MTPN: variants seen among roughly 807,000 people sequenced by gnomAD.
The protein encoded by MTPN is granule cell differentiation protein.
In MTPN, 2 loss-of-function variants were observed where a neutral mutation model predicts 13.5. The ratio of observed to expected loss-of-function variants is 0.15; its 90% CI spans 0.06 to 0.47. The LOEUF is 0.47. MTPN is among the 20% of genes least tolerant of loss of function. The probability of loss-of-function intolerance (pLI) is 0.97; values close to 1 mark genes in which losing one functional copy is unlikely to be tolerated. For synonymous variants in MTPN, 46 were observed against 51.7 expected (o/e 0.89, Z 0.48); for missense variants, 79 against 137.9 (o/e 0.57, Z 2.14).
chr7:135,976,955 G>T, intron 1 of MTPN, 74 bp downstream of exon 1: 2 of 525,464 alleles, frequency 3.8e-6, no homozygotes, highest in Non-Finnish European at 7.4e-6. Flanking sequence ...CCGCAGTCCA[G>T]CTCCCATCAG....
intron 3 of MTPN, among the ~76,000 whole-genome samples, chr7:135,931,063 A>G (rs1282186168): frequency 6.6e-6 from 1 of 152,034 alleles, no homozygotes; most frequent in African/African-American, 2.4e-5. Flanking sequence ...AGAATTTCTC[A>G]CCAGTTCCTG....
In MTPN at chr7:135,927,075, TC is replaced by T. The variant is rs1798931106; in HGVS notation, c.*2850del. ...TAGGAGGGCACTCTCACCAGCTTCT[TC>T]TATACACAATTGAGTATACAATATT... On this transcript the variant is annotated 3_prime_UTR_variant, in exon 4 of 4. Coordinates refer to ENST00000393085, the MANE Select transcript of MTPN (RefSeq NM_145808.4). The T allele has an allele frequency of 5.4e-6, 2 of 373,748 alleles. No homozygotes were observed. Among genetic ancestry groups the T allele is most frequent in the East Asian group, 7.9e-5 (2 of 25,284 alleles). 23.2% of individuals were successfully genotyped at this position (373,748 alleles called of 1,614,324 possible).
chr7:135,977,345 G>C lies in MTPN; in HGVS notation c.-245C>G. On this transcript the variant is annotated 5_prime_UTR_variant, in exon 1 of 4. Coordinates refer to ENST00000393085, the MANE Select transcript of MTPN (RefSeq NM_145808.4). ...GGTTCCGCCTGGCCGAGGAGAGGCA[G>C]GAACCTTTACACTTCCGGTTCACTC... The C allele has an allele frequency of 3.6e-6, 2 of 557,596 alleles. No homozygotes were observed. Among genetic ancestry groups the C allele is most frequent in the East Asian group, 3.1e-5 (1 of 32,226 alleles). 34.5% of individuals were successfully genotyped at this position (557,596 alleles called of 1,614,324 possible).
At chr7:135,964,446 A>G (rs1165042216) in intron 1 of MTPN, among the ~76,000 whole-genome samples, 1 of 152,108 alleles carries the variant, frequency 6.6e-6, no homozygotes, top group African/African-American at 2.4e-5. Context: ...GGAGTTGGAA[A>G]TCAAGCCAGG....
At chr7:135,948,682 G>C (rs562691775) in intron 3 of MTPN, among the ~76,000 whole-genome samples, 4 of 152,276 alleles carry the variant, frequency 2.6e-5, no homozygotes, top group Admixed American at 1.3e-4. Flanking sequence ...GGAATAAGGA[G>C]TACAGAACAA....
At chr7:135,957,206 T>C (rs1325898956) in intron 1 of MTPN, among the ~76,000 whole-genome samples, 2 of 152,182 alleles carry the variant, frequency 1.3e-5, no homozygotes, top group Non-Finnish European at 2.9e-5. Context: ...ATACATAACA[T>C]ACATATGAAA....
intron 3 of MTPN, among the ~76,000 whole-genome samples, chr7:135,941,768 T>C (rs1397773903): frequency 1.3e-5 from 2 of 152,188 alleles, no homozygotes; most frequent in South Asian, 2.1e-4. Flanking sequence ...AATAGAAAGA[T>C]CATTTCAAGG....
chr7:135,950,497 T>G (rs1799350120), intron 3 of MTPN, 102 bp downstream of exon 3: 2 of 957,388 alleles, frequency 2.1e-6, no homozygotes, highest in Non-Finnish European at 3.3e-6. Flanking sequence ...TGCTTCCAGT[T>G]TTCTGTCCCT....
chr7:135,969,283 GA>G (rs1362909866), intron 1 of MTPN, among the ~76,000 whole-genome samples: 1 of 138,652 alleles, frequency 7.2e-6, no homozygotes, highest in African/African-American at 2.6e-5. Context: ...GAAATTACTA[GA>G]AAAAATATTA....
At position 135,977,248 on chromosome 7, in the gene MTPN, A is replaced by G. The variant is rs1279141836; in HGVS notation, c.-148T>C. ...GGAGGGTTAGGCTGCCAGGCGGGCGAGGCAGTTGGCCGCGGCGACCGTTCG... is the reference window on the plus strand; with the variant it reads ...GGAGGGTTAGGCTGCCAGGCGGGCGGGGCAGTTGGCCGCGGCGACCGTTCG... On this transcript the variant is annotated 5_prime_UTR_variant, in exon 1 of 4. Coordinates refer to ENST00000393085, the MANE Select transcript of MTPN (RefSeq NM_145808.4). 1.3e-6 allele frequency: 1 copy of G among 779,586 alleles called. No homozygotes were observed. The highest frequency in any genetic ancestry group is 2.1e-6 in the Non-Finnish European group (1 of 469,492). The allele number at this position is 779,586 out of a possible 1,614,324, so 48.3% of individuals were successfully genotyped here.
In MTPN at chr7:135,977,279, GAGAA is replaced by G. The variant is rs1457318020; in HGVS notation, c.-183_-180del. On this transcript the variant is annotated 5_prime_UTR_variant, in exon 1 of 4. Coordinates refer to ENST00000393085, the MANE Select transcript of MTPN (RefSeq NM_145808.4). ...TTGGCCGCGGCGACCGTTCGGGCGG[GAGAA>G]AGAAAGTTCTTTTGCGGCCACCGGG... The G allele has an allele frequency of 3.6e-5, 23 of 638,992 alleles. No homozygotes were observed. The highest frequency in any genetic ancestry group is 6.4e-5 in the Non-Finnish European group (23 of 362,204). 39.6% of individuals were successfully genotyped at this position (638,992 alleles called of 1,614,324 possible). A position where few individuals can be genotyped will look rare whatever the true frequency, so the allele number is the denominator to read the frequency against.
At position 135,927,514 on chromosome 7, in the gene MTPN, AACTT is replaced by A. The variant is rs1231923532; in HGVS notation, c.*2408_*2411del. 7 of 1,108,174 alleles carry A rather than the reference AACTT, an allele frequency of 6.3e-6. No homozygotes were observed. The Admixed American group carries it at 1.4e-4, about 23-fold the overall frequency. The allele number at this position is 1,108,174 out of a possible 1,614,324, so 68.6% of individuals were successfully genotyped here. On this transcript the variant is annotated 3_prime_UTR_variant, in exon 4 of 4. Transcript: ENST00000393085. ...TAAGTATTACTTCAGTGGAGAACAA[AACTT>A]ACTTAACCTTTCGCTAATGCATGTA...
chr7:135,935,649 C>T (rs771585779), intron 3 of MTPN, among the ~76,000 whole-genome samples: 5 of 152,126 alleles, frequency 3.3e-5, no homozygotes, highest in Non-Finnish European at 5.9e-5. Context: ...GGCATTCTCA[C>T]GAAATAGAAT....
intron 1 of MTPN, among the ~76,000 whole-genome samples, chr7:135,969,388 C>T (rs1233895283): frequency 6.6e-6 from 1 of 150,944 alleles, no homozygotes; most frequent in Admixed American, 6.6e-5. Flanking sequence ...CCAATTTAGC[C>T]ATTCTAATAG....
chr7:135,973,099 T>TA (rs1392743052), intron 1 of MTPN, among the ~76,000 whole-genome samples: 1 of 150,514 alleles, frequency 6.6e-6, no homozygotes, highest in Non-Finnish European at 1.5e-5. Context: ...ACAAAAGTAT[T>TA]AATATTTTAA....
intron 3 of MTPN, among the ~76,000 whole-genome samples, chr7:135,942,659 G>T (rs1321592922): frequency 6.6e-6 from 1 of 152,180 alleles, no homozygotes; most frequent in African/African-American, 2.4e-5. Flanking sequence ...AACTGTACTT[G>T]TACATAGGAA....
At chr7:135,974,999 C>T (rs1799750833) in intron 1 of MTPN, among the ~76,000 whole-genome samples, 1 of 152,200 alleles carries the variant, frequency 6.6e-6, no homozygotes, top group East Asian at 1.9e-4. Flanking sequence ...CATCAGATTA[C>T]ATTACAGTTA....
At position 135,927,411 on chromosome 7, in the gene MTPN, T is replaced by C. The variant is rs1257390026; in HGVS notation, c.*2515A>G. On this transcript the variant is annotated 3_prime_UTR_variant, in exon 4 of 4. Transcript: ENST00000393085. ...CTACTATAAACAGGTAAACTACCTGTTTGTACTTGATATAGTGCATATGAA... is the reference window on the plus strand; with the variant it reads ...CTACTATAAACAGGTAAACTACCTGCTTGTACTTGATATAGTGCATATGAA... The C allele has an allele frequency of 1.3e-6, 2 of 1,548,708 alleles. No individual in the cohort carries two copies. Among genetic ancestry groups the C allele is most frequent in the South Asian group, 2.4e-5 (2 of 83,312 alleles).
intron 1 of MTPN, among the ~76,000 whole-genome samples, chr7:135,959,570 T>C (rs1799492482): frequency 6.6e-6 from 1 of 152,170 alleles, no homozygotes; most frequent in African/African-American, 2.4e-5. Flanking sequence ...ATGATATTAT[T>C]CTCATGAAAA....
Sources: allele counts gnomAD v4.1 joint callset (sites outside exome capture counted in the v4.1 genomes callset), GRCh38; gene constraint gnomAD v4.1.1; transcripts MANE v1.5; gene names NCBI Gene and HGNC (gene_info 2026-07-23, HGNC 2026-07-21).